MGA: variants seen among roughly 807,000 people sequenced by gnomAD.
MGA encodes MAX gene-associated protein.
Under a neutral mutation model 261.1 loss-of-function variants are expected in MGA, and 40 were observed. That is an observed-to-expected ratio of 0.15 (90% CI 0.12 to 0.20). The LOEUF (loss-of-function observed/expected upper bound fraction) is 0.20. Among genes scored for constraint, MGA ranks in the 10% least tolerant of loss-of-function variants. The probability of loss-of-function intolerance (pLI) is 1.00; values close to 1 mark genes in which losing one functional copy is unlikely to be tolerated. For missense variants in MGA, 3,397 were observed against 3,630.5 expected (o/e 0.94, Z 1.65); for synonymous variants, 1,302 against 1,290.6 (o/e 1.01, Z -0.19).
intron 5 of MGA, among the ~76,000 whole-genome samples, chr15:41,706,293 A>G (rs1425076570): frequency 9.2e-5 from 14 of 151,576 alleles, no homozygotes. Context: ...TATGTTAAAG[A>G]ACTGGAATTG....
At chr15:41,754,702 TGAG>T (rs1338709876) in intron 18 of MGA, 135 bp downstream of exon 18, 1 of 1,001,224 alleles carries the variant, frequency 1.0e-6, no homozygotes, top group Non-Finnish European at 1.4e-6. Flanking sequence ...TTAGTATAGA[TGAG>T]GAGAGGAACT....
At chr15:41,680,985 A>AT (rs1354047659) in intron 2 of MGA, among the ~76,000 whole-genome samples, 3 of 152,194 alleles carry the variant, frequency 2.0e-5, no homozygotes, top group Non-Finnish European at 2.9e-5. Flanking sequence ...ACTACAGGTC[A>AT]TGTCATTAGC....
chr15:41,760,271 A>G, intron 19 of MGA, 52 bp from the exon 20 acceptor site: 1 of 1,565,276 alleles, frequency 6.4e-7, no homozygotes, highest in Non-Finnish European at 8.8e-7. Flanking sequence ...AAACAGAGTA[A>G]GAGGGCCAAC....
intron 18 of MGA, among the ~76,000 whole-genome samples, chr15:41,757,445 A>G (rs189353232): frequency 4.6e-5 from 7 of 152,290 alleles, no homozygotes. Flanking sequence ...TGCCTATGTT[A>G]TATGCAAATA....
upstream of MGA, among the ~76,000 whole-genome samples, chr15:41,658,712 T>C (rs977744633): frequency 6.6e-6 from 1 of 151,550 alleles, no homozygotes; most frequent in Non-Finnish European, 1.5e-5. Flanking sequence ...CGTTTTTTTT[T>C]TGTTTTGTTT....
intron 13 of MGA, among the ~76,000 whole-genome samples, chr15:41,738,292 G>A (rs1260292682): frequency 6.6e-6 from 1 of 152,124 alleles, no homozygotes; most frequent in Admixed American, 6.6e-5. Flanking sequence ...CCAGCTAGGA[G>A]GCTGAGGCAG....
intron 17 of MGA, among the ~76,000 whole-genome samples, chr15:41,753,895 GT>G (rs1172023706): frequency 1.3e-5 from 2 of 152,064 alleles, no homozygotes; most frequent in African/African-American, 4.8e-5. Flanking sequence ...ATGCTGTTAA[GT>G]TTAATTATGT....
In MGA at chr15:41,766,176, G is replaced by A. The variant is rs753343483; in HGVS notation, c.8094G>A (p.Lys2698=). Residue 2698 remains lysine (K), a synonymous_variant, in exon 24 of 24, where the codon AAG becomes AAA. Coordinates refer to ENST00000219905, the MANE Select transcript of MGA (RefSeq NM_001164273.2). Reference sequence around the variant, plus strand: ...ATGAAGATAATTCCTTAGAGGATAAGGGTAGAATCTCTTCCAGAGGAAACA... The same window carrying A: ...ATGAAGATAATTCCTTAGAGGATAAAGGTAGAATCTCTTCCAGAGGAAACA... 2 of 1,613,990 alleles carry A rather than the reference G, an allele frequency of 1.2e-6. No homozygotes were observed. The highest frequency in any genetic ancestry group is 3.3e-5 in the Admixed American group (2 of 60,010).
At chr15:41,684,412 T>C (rs990782753) in intron 2 of MGA, 2 of 453,548 alleles carry the variant, frequency 4.4e-6, no homozygotes, top group Non-Finnish European at 8.8e-6. Context: ...TTGCCTAATT[T>C]ATTTGGATAG....
intron 15 of MGA, among the ~76,000 whole-genome samples, chr15:41,745,418 A>G (rs2062400463): frequency 2.0e-5 from 3 of 151,414 alleles, no homozygotes; most frequent in African/African-American, 4.8e-5. Flanking sequence ...CCTGTTAGCT[A>G]CTATATATTC....
intron 9 of MGA, among the ~76,000 whole-genome samples, chr15:41,716,652 A>G (rs913452135): frequency 6.6e-6 from 1 of 152,170 alleles, no homozygotes; most frequent in African/African-American, 2.4e-5. Context: ...AGGGTAAAAA[A>G]AAGTAAGTTA....
chr15:41,631,505 G>A (rs2056587580), intron 1 of MGA, among the ~76,000 whole-genome samples: 1 of 152,128 alleles, frequency 6.6e-6, no homozygotes, highest in South Asian at 2.1e-4. Flanking sequence ...CTGTCTCTAT[G>A]AAAACATAGA....
intron 1 of MGA, among the ~76,000 whole-genome samples, chr15:41,649,986 C>A (rs1284325318): frequency 6.6e-6 from 1 of 152,156 alleles, no homozygotes; most frequent in Admixed American, 6.5e-5. Context: ...CAGCCTTCCA[C>A]ACCACTTTGG....
In MGA at chr15:41,696,812, A is replaced by G. The variant is rs574630714; in HGVS notation, c.1802A>G (p.Asn601Ser). ...ATTGCAACAGCCGCAAAGGTAGTGA[A>G]TGCTAATCAGAATGCCTCTCCAAAT... Residue 601 changes from asparagine (N) to serine (S), a missense_variant, in exon 3 of 24, where the codon AAT becomes AGT. Asn to Ser is a conservative substitution (Grantham distance 46, BLOSUM62 1). This residue lies in a region of MGA where 563 missense variants were observed against 563.6 expected (regional missense o/e 1.00). Coordinates refer to ENST00000219905, the MANE Select transcript of MGA (RefSeq NM_001164273.2). 5.6e-6 allele frequency: 9 copies of G among 1,602,040 alleles called. No individual in the cohort carries two copies. The highest frequency in any genetic ancestry group is 1.3e-5 in the African/African-American group (1 of 74,896).
At chr15:41,727,053 T>G in intron 9 of MGA, 127 bp from the exon 10 acceptor site, 1 of 621,578 alleles carries the variant, frequency 1.6e-6, no homozygotes, top group Non-Finnish European at 2.7e-6. Flanking sequence ...GGGGAGGGGG[T>G]CGTCTATTTG....
chr15:41,762,461 G>GGTTTTTTTTTTTTTTTTTT, intron 22 of MGA, 99 bp downstream of exon 22: 1 of 125,104 alleles, frequency 8.0e-6, no homozygotes, highest in South Asian at 7.8e-5. Context: ...GTTTTGTGTG[G>GGTTTTTTTTTTTTTTTTTT]TTTTTTTTTT....
At chr15:41,629,126 A>G (rs2056532898) in intron 1 of MGA, among the ~76,000 whole-genome samples, 1 of 150,352 alleles carries the variant, frequency 6.7e-6, no homozygotes, top group Non-Finnish European at 1.5e-5. Context: ...AAAAAAAAAA[A>G]GAAGCCATTG....
In MGA at chr15:41,742,555, C is replaced by T; in HGVS notation, c.4595C>T (p.Pro1532Leu). ...AAATTTCTGTTTGCAGCGGCTCGAC[C>T]CTCTCCTGGTGGTGTGTTCACACAG... is the stretch of plus-strand genomic sequence containing the variant. The change falls in exon 15 of 24, where the codon CCC (proline) becomes CTC (leucine). Residue 1532 changes from proline to leucine, a missense_variant. Transcript: ENST00000219905. 11 of 1,611,608 alleles carry T rather than the reference C, an allele frequency of 6.8e-6. No individual in the cohort carries two copies. Among genetic ancestry groups the T allele is most frequent in the Non-Finnish European group, 9.3e-6 (11 of 1,178,360 alleles).
intron 10 of MGA, among the ~76,000 whole-genome samples, chr15:41,728,550 G>A (rs1441184521): frequency 6.6e-6 from 1 of 152,124 alleles, no homozygotes; most frequent in Non-Finnish European, 1.5e-5. Context: ...AAAAGAAAAT[G>A]TTACTAAGAA....
Sources: allele counts gnomAD v4.1 joint callset (sites outside exome capture counted in the v4.1 genomes callset), GRCh38; gene constraint gnomAD v4.1.1; regional missense constraint gnomAD v4.1.1; transcripts MANE v1.5; gene names NCBI Gene and HGNC (gene_info 2026-07-23, HGNC 2026-07-21).